Variants in GLT1D1 observed in about 807,000 individuals in gnomAD.
GLT1D1 encodes glycosyltransferase 1 domain containing 1.
A neutral mutation model predicts 28.7 loss-of-function variants in GLT1D1; 21 were observed. The ratio of observed to expected loss-of-function variants is 0.73; its 90% CI spans 0.52 to 1.05. The LOEUF is 1.05. Ranked by LOEUF, GLT1D1 falls within the 50% of genes least tolerant of loss-of-function variation. The pLI, the probability that GLT1D1 is intolerant of heterozygous loss-of-function variation, is 0.00. For missense variants in GLT1D1, 343 were observed against 330.6 expected (o/e 1.04, Z -0.29); for synonymous variants, 147 against 124.8 (o/e 1.18, Z -1.19).
intron 1 of GLT1D1, among the ~76,000 whole-genome samples, chr12:128,863,147 A>G (rs1043465849): frequency 6.6e-6 from 1 of 152,158 alleles, no homozygotes; most frequent in African/African-American, 2.4e-5. Context: ...GAGACTGGCC[A>G]GTTTATGCTT....
chr12:128,867,175 C>T (rs1311243068), intron 1 of GLT1D1, among the ~76,000 whole-genome samples: 1 of 151,106 alleles, frequency 6.6e-6, no homozygotes. Flanking sequence ...GGGCGGATCA[C>T]CTGAGGTCAG....
intron 4 of GLT1D1, among the ~76,000 whole-genome samples, chr12:128,921,065 G>T (rs961267549): frequency 6.6e-6 from 1 of 152,136 alleles, no homozygotes; most frequent in African/African-American, 2.4e-5. Flanking sequence ...GCTTACGTGT[G>T]ATGAGCCTGA....
At chr12:128,886,113 T>C (rs1203489772) in intron 2 of GLT1D1, among the ~76,000 whole-genome samples, 2 of 152,212 alleles carry the variant, frequency 1.3e-5, no homozygotes, top group Non-Finnish European at 2.9e-5. Flanking sequence ...TCTGCTACCA[T>C]GTGAGATGTG....
chr12:128,928,217 A>T (rs984660996), intron 4 of GLT1D1, among the ~76,000 whole-genome samples: 2 of 152,184 alleles, frequency 1.3e-5, no homozygotes, highest in Admixed American at 1.3e-4. Context: ...ATCAGATGGC[A>T]GGTGACACCT....
chr12:128,945,190 C>G, intron 4 of GLT1D1, 136 bp from the exon 9 acceptor site: 1 of 868,194 alleles, frequency 1.2e-6, no homozygotes, highest in Admixed American at 2.0e-5. Flanking sequence ...ACGCAGCAGC[C>G]GCGAGGACAC....
intron 4 of GLT1D1, among the ~76,000 whole-genome samples, chr12:128,925,482 A>G (rs988991378): frequency 6.6e-6 from 1 of 152,190 alleles, no homozygotes; most frequent in African/African-American, 2.4e-5. Flanking sequence ...AATGGCTCCC[A>G]ACTCTATCCA....
intron 3 of GLT1D1, among the ~76,000 whole-genome samples, chr12:128,897,481 T>C (rs1374511463): frequency 6.6e-6 from 1 of 152,222 alleles, no homozygotes; most frequent in Non-Finnish European, 1.5e-5. Flanking sequence ...CATAGCTTTT[T>C]ATGCTCAGAA....
chr12:128,944,533 A>G (rs1875764450), intron 4 of GLT1D1: 1 of 836,768 alleles, frequency 1.2e-6, no homozygotes, highest in Non-Finnish European at 2.1e-6. Context: ...GTTGAATCCA[A>G]TGTTGTAGAC....
At chr12:128,854,927 A>G (rs2135746517) in intron 1 of GLT1D1, among the ~76,000 whole-genome samples, 1 of 152,254 alleles carries the variant, frequency 6.6e-6, no homozygotes, top group South Asian at 2.1e-4. Context: ...TTGCTGGAAA[A>G]TTTACACTCA....
At chr12:128,965,732 A>AAAAAAAAG (rs75853652) in intron 7 of GLT1D1, among the ~76,000 whole-genome samples, 1 of 104,570 alleles carries the variant, frequency 9.6e-6, no homozygotes, top group African/African-American at 3.7e-5. Context: ...AAAAAAAAAA[A>AAAAAAAAG]AAAGAAAAAG....
intron 6 of GLT1D1, among the ~76,000 whole-genome samples, chr12:128,952,081 C>T (rs12822939): frequency 2.6e-4 from 39 of 152,166 alleles, no homozygotes; most frequent in South Asian, 1.2e-3. Flanking sequence ...TCTGCCAGGC[C>T]CTGGAGATGC....
intron 4 of GLT1D1, among the ~76,000 whole-genome samples, chr12:128,908,479 CTTTT>C (rs1442427860): frequency 2.8e-5 from 4 of 141,248 alleles, no homozygotes; most frequent in Non-Finnish European, 6.2e-5. Context: ...TTCCTTCTTT[CTTTT>C]TTTCTTTCCT....
rs373380327 is a variant in GLT1D1 at position 128,925,420 on chromosome 12, G to A, written c.376-19906G>A. 2.6e-5 allele frequency among the ~76,000 whole-genome samples: 4 copies of A among 152,340 alleles called. No homozygotes were observed. In the East Asian group the frequency reaches 7.7e-4, roughly 29 times the overall value. ...CTCATCATTCAGCTCCCACTGATAA[G>A]TGAGAACATTCGGTTTTTAGTTTTC... is the stretch of plus-strand genomic sequence containing the variant. On this transcript the variant is annotated intron_variant, in intron 4 of 7. Coordinates refer to ENST00000281703, the MANE Select transcript of GLT1D1 (RefSeq NM_144669.3).
intron 1 of GLT1D1, among the ~76,000 whole-genome samples, chr12:128,874,017 T>G: frequency 9.8e-6 from 1 of 102,450 alleles, no homozygotes; most frequent in Admixed American, 9.2e-5. Context: ...CCCTTCCCCT[T>G]CCCCTTCCTC....
rs770840886 is a variant in GLT1D1, at chr12:128,938,012, C to T, written c.376-7314C>T. Among the ~76,000 whole-genome samples, 166 of 152,244 alleles carry T rather than the reference C, an allele frequency of 1.1e-3. 2 individuals are homozygous for T. Among genetic ancestry groups the T allele is most frequent in the Non-Finnish European group, 1.7e-3 (113 of 68,022 alleles). ...AATAAGTAGGTAGGCTTTCCAGAAT[C>T]GACGTAAGCTTATGAACTATATCTG... On this transcript the variant is annotated intron_variant, in intron 4 of 7. Transcript: ENST00000281703.
chr12:128,956,837 C>T (rs1466324618), intron 6 of GLT1D1, among the ~76,000 whole-genome samples: 2 of 152,190 alleles, frequency 1.3e-5, no homozygotes, highest in Non-Finnish European at 2.9e-5. Flanking sequence ...AATTGTCCCG[C>T]TGTGGTCAGT....
At chr12:128,911,918 C>T (rs981385075) in intron 4 of GLT1D1, among the ~76,000 whole-genome samples, 3 of 152,006 alleles carry the variant, frequency 2.0e-5, no homozygotes, top group Non-Finnish European at 4.4e-5. Flanking sequence ...CCTCCTGGGG[C>T]CTGTCTTTGG....
chr12:128,951,117 T>C (rs892435711), intron 6 of GLT1D1, among the ~76,000 whole-genome samples: 1 of 152,168 alleles, frequency 6.6e-6, no homozygotes, highest in Non-Finnish European at 1.5e-5. Flanking sequence ...AAACATCATG[T>C]TGTGGCCGGG....
intron 2 of GLT1D1, among the ~76,000 whole-genome samples, chr12:128,885,257 C>G (rs997739857): frequency 9.2e-5 from 14 of 152,052 alleles, no homozygotes; most frequent in African/African-American, 2.9e-4. Context: ...AGTCGAGACT[C>G]TTTCGCCCAG....
Sources: gnomAD v4.1 joint callset for allele counts (sites outside exome capture counted in the v4.1 genomes callset) on GRCh38, gnomAD v4.1.1 for gene constraint, MANE v1.5 for transcripts, NCBI Gene and HGNC (gene_info 2026-07-23, HGNC 2026-07-21) for gene names.